DTNA: variants seen among roughly 807,000 people sequenced by gnomAD.
The protein encoded by DTNA is dystrobrevin alpha, also known as dystrophin-related protein 3.
DTNA carries 43 observed loss-of-function variants against 100.7 expected under a neutral mutation model. That is an observed-to-expected ratio of 0.43 (90% CI 0.33 to 0.55). The LOEUF (loss-of-function observed/expected upper bound fraction) is 0.55. Ranked by LOEUF, DTNA falls within the 20% of genes least tolerant of loss-of-function variation. The probability of loss-of-function intolerance (pLI) is 0.04; values close to 1 mark genes in which losing one functional copy is unlikely to be tolerated. For missense variants in DTNA, 798 were observed against 953.9 expected (o/e 0.84, Z 2.15); for synonymous variants, 349 against 347.9 (o/e 1.00, Z -0.04).
intron 19 of DTNA, among the ~76,000 whole-genome samples, chr18:34,878,236 C>T (rs1203223878): frequency 6.6e-6 from 1 of 152,062 alleles, no homozygotes; most frequent in Non-Finnish European, 1.5e-5. Flanking sequence ...CCTCGGCCTC[C>T]CAAAGTGTGT....
intron 1 of DTNA, among the ~76,000 whole-genome samples, chr18:34,750,734 A>G (rs980972811): frequency 2.6e-5 from 4 of 152,206 alleles, no homozygotes; most frequent in Admixed American, 6.5e-5. Context: ...ATAATCTTTA[A>G]GAAGTTATAC....
intron 1 of DTNA, among the ~76,000 whole-genome samples, chr18:34,545,968 G>T (rs571007721): frequency 6.6e-6 from 1 of 152,090 alleles, no homozygotes; most frequent in Non-Finnish European, 1.5e-5. Context: ...TGTGCAGCAC[G>T]TTTGTTCAGA....
chr18:34,824,475 C>CA (rs757094848), intron 9 of DTNA, among the ~76,000 whole-genome samples: 173 of 131,516 alleles, frequency 1.3e-3, no homozygotes, highest in Middle Eastern at 8.1e-3. Flanking sequence ...GACGCCATCT[C>CA]AAAAAAAAAA....
chr18:34,770,352 GA>G (rs958574550), intron 3 of DTNA, among the ~76,000 whole-genome samples: 8 of 151,894 alleles, frequency 5.3e-5, no homozygotes. Context: ...CTATCACCTA[GA>G]AAAAAAATGA....
chr18:34,796,358 A>G (rs2094968735), intron 4 of DTNA, among the ~76,000 whole-genome samples: 1 of 152,256 alleles, frequency 6.6e-6, no homozygotes, highest in Non-Finnish European at 1.5e-5. Context: ...AATAAAATAA[A>G]TGTTCAAATT....
intron 15 of DTNA, among the ~76,000 whole-genome samples, chr18:34,854,527 A>C (rs969385125): frequency 1.1e-4 from 17 of 152,166 alleles, no homozygotes; most frequent in African/African-American, 4.1e-4. Flanking sequence ...TGATAAAAAC[A>C]ATCATTTTAT....
At chr18:34,554,836 C>CT (rs1273608629) in intron 1 of DTNA, among the ~76,000 whole-genome samples, 1 of 150,552 alleles carries the variant, frequency 6.6e-6, no homozygotes, top group African/African-American at 2.5e-5. Context: ...CTAAAATTCT[C>CT]TTTTTTGATT....
intron 1 of DTNA, among the ~76,000 whole-genome samples, chr18:34,596,622 C>A (rs1269902673): frequency 3.3e-5 from 5 of 152,120 alleles, no homozygotes; most frequent in Non-Finnish European, 7.3e-5. Flanking sequence ...ATTACTGTTA[C>A]CAGAAATGGA....
chr18:34,742,016 T>C (rs1207988138), intron 1 of DTNA, among the ~76,000 whole-genome samples: 1 of 152,104 alleles, frequency 6.6e-6, no homozygotes, highest in African/African-American at 2.4e-5. Flanking sequence ...AAGATAAAAT[T>C]AAATAATTAA....
At chr18:34,714,712 G>T (rs1444684009) in intron 1 of DTNA, among the ~76,000 whole-genome samples, 1 of 151,850 alleles carries the variant, frequency 6.6e-6, no homozygotes, top group Non-Finnish European at 1.5e-5. Flanking sequence ...AATACCATTT[G>T]ACCCAGCCAC....
chr18:34,503,863 G>A (rs1304355285), intron 1 of DTNA, among the ~76,000 whole-genome samples: 1 of 151,528 alleles, frequency 6.6e-6, no homozygotes, highest in Non-Finnish European at 1.5e-5. Flanking sequence ...GTCTCGCTGT[G>A]TTGCCCAGGC....
At chr18:34,729,927 T>C (rs2087681864) in intron 1 of DTNA, among the ~76,000 whole-genome samples, 1 of 151,688 alleles carries the variant, frequency 6.6e-6, no homozygotes. Context: ...ACTAGATAAG[T>C]CTAGAAGAGC....
At chr18:34,561,031 T>G (rs140251793) in intron 1 of DTNA, among the ~76,000 whole-genome samples, 1 of 152,336 alleles carries the variant, frequency 6.6e-6, no homozygotes, top group East Asian at 1.9e-4. Context: ...TATATTTTCA[T>G]TTTTGATCTA....
chr18:34,800,022 C>T (rs2095146402), intron 4 of DTNA, among the ~76,000 whole-genome samples: 1 of 152,124 alleles, frequency 6.6e-6, no homozygotes, highest in Non-Finnish European at 1.5e-5. Flanking sequence ...TTCACTACGC[C>T]CCAAACCAGA....
intron 1 of DTNA, among the ~76,000 whole-genome samples, chr18:34,715,730 T>C (rs898634306): frequency 2.0e-5 from 3 of 152,160 alleles, no homozygotes; most frequent in African/African-American, 7.2e-5. Flanking sequence ...TATGAAAACT[T>C]ACTCCTTCTA....
intron 2 of DTNA, chr18:34,759,940 TC>T (rs2093031845): frequency 6.6e-6 from 1 of 152,126 alleles, no homozygotes; most frequent in South Asian, 2.1e-4. Context: ...CACCTTGGCC[TC>T]CCAAAGTGCT....
chr18:34,537,057 C>A (rs2043787008), intron 1 of DTNA, among the ~76,000 whole-genome samples: 1 of 151,988 alleles, frequency 6.6e-6, no homozygotes, highest in African/African-American at 2.4e-5. Flanking sequence ...CTCTTGAAGT[C>A]AAACTGTGTT....
intron 1 of DTNA, among the ~76,000 whole-genome samples, chr18:34,669,446 T>C (rs559974411): frequency 6.6e-6 from 1 of 152,246 alleles, no homozygotes; most frequent in Non-Finnish European, 1.5e-5. Context: ...AATACTGTTA[T>C]GTGTGAATTT....
At chr18:34,522,141 C>T (rs1041142806) in intron 1 of DTNA, among the ~76,000 whole-genome samples, 2 of 152,128 alleles carry the variant, frequency 1.3e-5, no homozygotes, top group African/African-American at 4.8e-5. Flanking sequence ...TTATTCATGA[C>T]CTTGTTTGCC....
Sources: allele counts gnomAD v4.1 joint callset (sites outside exome capture counted in the v4.1 genomes callset), GRCh38; gene constraint gnomAD v4.1.1; transcripts MANE v1.5; gene names NCBI Gene and HGNC (gene_info 2026-07-23, HGNC 2026-07-21).